The following RPTOR variants were observed in gnomAD, a reference collection of about 807,000 sequenced individuals.
The protein encoded by RPTOR is regulatory-associated protein of mTOR.
RPTOR carries 21 observed loss-of-function variants against 169.9 expected under a neutral mutation model. The ratio of observed to expected loss-of-function variants is 0.12; its 90% confidence interval spans 0.09 to 0.18. The LOEUF (loss-of-function observed/expected upper bound fraction) is 0.18. Ranked by LOEUF, RPTOR falls within the 10% of genes least tolerant of loss-of-function variation. The pLI, the probability that RPTOR is intolerant of heterozygous loss-of-function variation, is 1.00. For synonymous variants in RPTOR, 732 were observed against 753.2 expected, an observed-to-expected ratio of 0.97 and a Z score of 0.46; for missense variants, 1,133 against 1,855.9, an observed-to-expected ratio of 0.61 and a Z score of 7.16.
chr17:80,876,705 C>G, intron 13 of RPTOR, among the ~76,000 whole-genome samples: 1 of 118,642 alleles, frequency 8.4e-6, no homozygotes, highest in East Asian at 2.9e-4. Context: ...GCCCCTCCAC[C>G]CAGGATGTGT....
intron 1 of RPTOR, among the ~76,000 whole-genome samples, chr17:80,617,367 CCAGAGTTCACCCATTTACCAA>C (rs1301852307): frequency 1.3e-5 from 2 of 152,214 alleles, no homozygotes. Context: ...TTCACATACC[CCAGAGTTCACCCATTTACCAA>C]CAGAGTTCAC....
intron 20 of RPTOR, among the ~76,000 whole-genome samples, chr17:80,900,724 A>G (rs981021868): frequency 2.0e-5 from 3 of 151,992 alleles, no homozygotes; most frequent in African/African-American, 7.2e-5. Flanking sequence ...CCCATGCTCC[A>G]TGGGGTTCTC....
At chr17:80,586,204 G>A (rs924399150) in intron 1 of RPTOR, among the ~76,000 whole-genome samples, 1 of 152,092 alleles carries the variant, frequency 6.6e-6, no homozygotes, top group African/African-American at 2.4e-5. Flanking sequence ...AACCCATCCT[G>A]ATCTCTCCAC....
At chr17:80,744,108 GCCCTGGTTACTAGCAC>G (rs1410384767) in intron 5 of RPTOR, among the ~76,000 whole-genome samples, 2 of 111,396 alleles carry the variant, frequency 1.8e-5, no homozygotes, top group Non-Finnish European at 4.1e-5. Context: ...TACTAGCACA[GCCCTGGTTACTAGCAC>G]AGCCCTGGCT....
intron 1 of RPTOR, among the ~76,000 whole-genome samples, chr17:80,569,070 C>G (rs1413091958): frequency 6.6e-6 from 1 of 152,166 alleles, no homozygotes; most frequent in African/African-American, 2.4e-5. Flanking sequence ...TTCATGCTCT[C>G]TTTTAAATCC....
chr17:80,703,958 A>G (rs1201123579), intron 3 of RPTOR, among the ~76,000 whole-genome samples: 1 of 152,190 alleles, frequency 6.6e-6, no homozygotes, highest in Non-Finnish European at 1.5e-5. Flanking sequence ...ATGTTTATGC[A>G]GGTCTTATAG....
intron 9 of RPTOR, among the ~76,000 whole-genome samples, chr17:80,826,591 A>T (rs1383012092): frequency 6.6e-6 from 1 of 152,266 alleles, no homozygotes; most frequent in Non-Finnish European, 1.5e-5. Flanking sequence ...CTTAATTGCT[A>T]GGCTGGGGCA....
intron 10 of RPTOR, among the ~76,000 whole-genome samples, chr17:80,841,495 TCACCACACGGCAGCTCA>T (rs2067657045): frequency 5.0e-5 from 4 of 80,234 alleles, no homozygotes; most frequent in Non-Finnish European, 7.1e-5. Context: ...CAGCTCACTC[TCACCACACGGCAGCTCA>T]CACCACACGG....
intron 6 of RPTOR, among the ~76,000 whole-genome samples, chr17:80,786,600 G>A (rs1198927261): frequency 3.9e-5 from 6 of 152,296 alleles, no homozygotes; most frequent in South Asian, 4.1e-4. Flanking sequence ...GGGCAGAAAC[G>A]AAAGTGACTC....
chr17:80,561,245 ATATATGTATATATATATG>A (rs1225608131), intron 1 of RPTOR, among the ~76,000 whole-genome samples: 1,465 of 7,692 alleles, frequency 0.19, 44 homozygotes, highest in East Asian at 0.46. Flanking sequence ...TAATTTATAT[ATATATGTATATATATATG>A]TATATATATA....
chr17:80,596,341 G>GGT (rs1282455903), intron 1 of RPTOR, among the ~76,000 whole-genome samples: 1 of 152,160 alleles, frequency 6.6e-6, no homozygotes, highest in Non-Finnish European at 1.5e-5. Flanking sequence ...TAAACCTGTT[G>GGT]TAACACTGTG....
intron 11 of RPTOR, among the ~76,000 whole-genome samples, chr17:80,851,363 T>A (rs1257091805): frequency 6.6e-6 from 1 of 152,226 alleles, no homozygotes; most frequent in East Asian, 1.9e-4. Flanking sequence ...TGTTTTGTTG[T>A]TTTTAAGTAC....
intron 21 of RPTOR, among the ~76,000 whole-genome samples, chr17:80,920,195 G>A (rs1030507677): frequency 6.6e-6 from 1 of 152,238 alleles, no homozygotes; most frequent in African/African-American, 2.4e-5. Context: ...CGACACCGCA[G>A]GCAGGCAGGT....
chr17:80,671,662 C>G (rs2065822983), intron 3 of RPTOR, among the ~76,000 whole-genome samples: 1 of 152,130 alleles, frequency 6.6e-6, no homozygotes, highest in African/African-American at 2.4e-5. Flanking sequence ...GTGAGGGAAC[C>G]TGGGGCTTAC....
chr17:80,832,670 G>A (rs184002919), intron 9 of RPTOR, among the ~76,000 whole-genome samples: 10 of 152,292 alleles, frequency 6.6e-5, no homozygotes, highest in South Asian at 2.1e-4. Context: ...GTGGAGGTGG[G>A]CTCCTCACCA....
chr17:80,841,862 C>G (rs2067669682), intron 10 of RPTOR, among the ~76,000 whole-genome samples: 1 of 133,390 alleles, frequency 7.5e-6, no homozygotes, highest in Non-Finnish European at 1.6e-5. Flanking sequence ...CGCACGGCAG[C>G]TGACTCACCG....
chr17:80,928,319 T>C (rs2068836658), intron 24 of RPTOR, among the ~76,000 whole-genome samples: 1 of 152,366 alleles, frequency 6.6e-6, no homozygotes, highest in Admixed American at 6.5e-5. Flanking sequence ...TAATTCATCA[T>C]CTAATGACAT....
chr17:80,828,069 G>T, intron 9 of RPTOR, among the ~76,000 whole-genome samples: 2 of 152,332 alleles, frequency 1.3e-5, no homozygotes, highest in Middle Eastern at 6.8e-3. Flanking sequence ...TGGGACAGGA[G>T]TGCACCCAGG....
intron 7 of RPTOR, among the ~76,000 whole-genome samples, chr17:80,817,200 A>G (rs1217966407): frequency 6.6e-6 from 1 of 152,132 alleles, no homozygotes; most frequent in Non-Finnish European, 1.5e-5. Context: ...AGCCTCTGAG[A>G]GGCTGGGCAG....
Sources: allele counts gnomAD v4.1 joint callset (sites outside exome capture counted in the v4.1 genomes callset), GRCh38; gene constraint gnomAD v4.1.1; transcripts MANE v1.5; gene names NCBI Gene and HGNC (gene_info 2026-07-23, HGNC 2026-07-21).